CDC123: variants seen among roughly 807,000 people sequenced by gnomAD.
The protein encoded by CDC123 is cell division cycle 123.
Under a neutral mutation model 54.4 loss-of-function variants are expected in CDC123, and 37 were observed. That is an observed-to-expected ratio of 0.68 (90% CI 0.52 to 0.89). The LOEUF (loss-of-function observed/expected upper bound fraction) is 0.89, where lower values mean the gene tolerates loss of function less well. Among genes scored for constraint, CDC123 ranks in the 40% least tolerant of loss-of-function variants. CDC123 has a pLI of 0.00. For missense variants in CDC123, 361 were observed against 412.1 expected (o/e 0.88, Z 1.07); for synonymous variants, 144 against 136.8 (o/e 1.05, Z -0.37).
chr10:12,227,115 G>A (rs1835831617), intron 6 of CDC123, among the ~76,000 whole-genome samples: 1 of 152,144 alleles, frequency 6.6e-6, no homozygotes, highest in South Asian at 2.1e-4. Context: ...AACCAGTCAG[G>A]CGTGGCGGCG....
chr10:12,204,056 G>A (rs1835480644), intron 2 of CDC123, among the ~76,000 whole-genome samples: 1 of 145,676 alleles, frequency 6.9e-6, no homozygotes, highest in Non-Finnish European at 1.5e-5. Context: ...TCATGCCTCT[G>A]CACTCCAGCC....
At chr10:12,235,250 C>T (rs987383434) in intron 8 of CDC123, 127 bp downstream of exon 8, 1 of 738,332 alleles carries the variant, frequency 1.4e-6, no homozygotes, top group Non-Finnish European at 2.3e-6. Flanking sequence ...TCAGATGCCA[C>T]CTCTAACCAG....
chr10:12,247,777 G>A (rs542687539), intron 11 of CDC123: 2 of 152,294 alleles, frequency 1.3e-5, no homozygotes, highest in East Asian at 3.9e-4. Flanking sequence ...AAGACGGGCG[G>A]ATCAGGAAGT....
intron 6 of CDC123, among the ~76,000 whole-genome samples, chr10:12,227,124 C>T (rs1370357585): frequency 3.9e-5 from 6 of 152,132 alleles, no homozygotes; most frequent in Non-Finnish European, 7.3e-5. Flanking sequence ...GGCGTGGCGG[C>T]GTGCGCCTGC....
chr10:12,227,145 A>G, intron 6 of CDC123, among the ~76,000 whole-genome samples: 1 of 152,118 alleles, frequency 6.6e-6, no homozygotes, highest in East Asian at 1.9e-4. Context: ...AATCCCAGGC[A>G]CTCGGCAGGC....
At chr10:12,234,750 ATTT>A (rs968508731) in intron 7 of CDC123, among the ~76,000 whole-genome samples, 7 of 133,910 alleles carry the variant, frequency 5.2e-5, no homozygotes, top group Admixed American at 7.6e-5. Context: ...CATGTGAAGA[ATTT>A]TTTTTTTTTT....
chr10:12,228,466 C>T (rs1190495613), intron 6 of CDC123, among the ~76,000 whole-genome samples: 4 of 150,742 alleles, frequency 2.7e-5, no homozygotes, highest in South Asian at 4.2e-4. Flanking sequence ...AGTGCAGTGG[C>T]GCAATCTCGG....
intron 2 of CDC123, among the ~76,000 whole-genome samples, chr10:12,203,636 T>C (rs1255706354): frequency 2.0e-5 from 3 of 152,260 alleles, no homozygotes; most frequent in East Asian, 3.9e-4. Flanking sequence ...TGAACAGTTA[T>C]TGCATGCCTA....
chr10:12,235,146 G>A (rs748330688), intron 8 of CDC123, 23 bp downstream of exon 8: 3 of 1,578,588 alleles, frequency 1.9e-6, no homozygotes, highest in Non-Finnish European at 2.6e-6. Flanking sequence ...TTGTTTGTTT[G>A]TTTTATCCTT....
rs137923868 is a variant in CDC123 at position 12,211,471 on chromosome 10, G to A, written c.237+1149G>A. Among the ~76,000 whole-genome samples, 533 of 152,292 alleles carry A rather than the reference G, an allele frequency of 3.5e-3. 4 individuals are homozygous for A. In the South Asian group the frequency reaches 0.036, roughly 10 times the overall value. ...TTTAAAAAGGGAAGCCTGCCAGCAG[G>A]TGCCTAAGTGGAAAGTTTGCGTGTT... On this transcript the variant is annotated intron_variant, in intron 4 of 12. Coordinates refer to ENST00000281141, the MANE Select transcript of CDC123 (RefSeq NM_006023.3).
chr10:12,209,565 A>T lies in CDC123; in HGVS notation c.147-402A>T, dbSNP rs1835568001. On this transcript the variant is annotated intron_variant, in intron 2 of 12. Transcript: ENST00000281141. ...CTTCAATTTTAAGGCTTTTATTTTT[A>T]TTTATTTATTTTTGAGACAGTGTTT... Among the ~76,000 whole-genome samples the T allele has an allele frequency of 3.3e-5, 5 of 151,092 alleles. No individual in the cohort carries two copies. In the South Asian group the frequency reaches 1.0e-3, roughly 32 times the overall value.
chr10:12,250,568 A>G lies in CDC123; in HGVS notation c.*231A>G, dbSNP rs902150551. The G allele has an allele frequency of 8.5e-6, 4 of 470,236 alleles. No individual in the cohort carries two copies. The Admixed American group carries it at 1.2e-4, about 15-fold the overall frequency. 29.1% of individuals were successfully genotyped at this position (470,236 alleles called of 1,614,324 possible). The stretch of plus-strand genomic sequence containing the variant: ...ATAGGAAAACCATACTGTTCTGATA[A>G]TAAAATGCTTTCTATGAAATACGTT... On this transcript the variant is annotated 3_prime_UTR_variant, in exon 13 of 13. Transcript: ENST00000281141.
chr10:12,205,801 C>CTTT (rs1203357821), intron 2 of CDC123, among the ~76,000 whole-genome samples: 2 of 143,908 alleles, frequency 1.4e-5, no homozygotes, highest in African/African-American at 2.5e-5. Context: ...TAAACTTTCA[C>CTTT]TTTTTTTTTT....
At chr10:12,213,184 A>G (rs1015977486) in intron 4 of CDC123, among the ~76,000 whole-genome samples, 2 of 152,196 alleles carry the variant, frequency 1.3e-5, no homozygotes, top group Non-Finnish European at 2.9e-5. Flanking sequence ...AAGTATCTTC[A>G]CCCAAATTAC....
chr10:12,209,668 A>T (rs1386921446), intron 2 of CDC123, among the ~76,000 whole-genome samples: 1 of 152,142 alleles, frequency 6.6e-6, no homozygotes, highest in Non-Finnish European at 1.5e-5. Flanking sequence ...TCAAGTGATC[A>T]GTCCTCCCAC....
At chr10:12,241,852 G>A (rs918452673) in intron 10 of CDC123, among the ~76,000 whole-genome samples, 4 of 152,070 alleles carry the variant, frequency 2.6e-5, no homozygotes, top group African/African-American at 9.7e-5. Flanking sequence ...TGAGACTGTC[G>A]CCTTCTGGAG....
chr10:12,244,313 A>G (rs1200272661), intron 10 of CDC123, among the ~76,000 whole-genome samples: 1 of 152,262 alleles, frequency 6.6e-6, no homozygotes, highest in East Asian at 1.9e-4. Context: ...TATTAACCAG[A>G]TGGCACAAAT....
rs748260222 is a variant in CDC123 at position 12,249,744 on chromosome 10, C to T, written c.984+26C>T. 1.3e-5 allele frequency: 21 copies of T among 1,573,072 alleles called. No homozygotes were observed. In the South Asian group the frequency reaches 2.1e-4, roughly 16 times the overall value. On this transcript the variant is annotated intron_variant, in intron 12 of 12. Coordinates refer to ENST00000281141, the MANE Select transcript of CDC123 (RefSeq NM_006023.3). ...GTAAAGTCTATGTGCATTTAGTATG[C>T]TGGCCATCTTTTCAAATAGACCTTC...
Position 12,215,849 on chromosome 10 carries a change from A to T in CDC123, c.333+14A>T. ...AGTGCCCCAAGGGTAGGAACACATA[A>T]GTAATTCTCTTACTGTTTGAATATT... On this transcript the variant is annotated intron_variant, in intron 5 of 12. Transcript: ENST00000281141. The T allele has an allele frequency of 6.7e-7, 1 of 1,499,038 alleles. No individual in the cohort carries two copies. Among genetic ancestry groups the T allele is most frequent in the Non-Finnish European group, 9.2e-7 (1 of 1,089,966 alleles). 92.9% of individuals were successfully genotyped at this position (1,499,038 alleles called of 1,614,324 possible). A position where few individuals can be genotyped will look rare whatever the true frequency, so the allele number is the denominator to read the frequency against.
Sources: allele counts gnomAD v4.1 joint callset (sites outside exome capture counted in the v4.1 genomes callset), GRCh38; gene constraint gnomAD v4.1.1; transcripts MANE v1.5; gene names NCBI Gene and HGNC (gene_info 2026-07-23, HGNC 2026-07-21).